Variants in ATM observed in about 807,000 individuals in gnomAD.
ATM encodes ATM serine/threonine kinase, also known as serine-protein kinase ATM.
In ATM, 308 loss-of-function variants were observed where a neutral mutation model predicts 387.0. The observed-to-expected ratio is 0.80, with a 90% confidence interval of 0.73 to 0.87. The LOEUF is 0.87. ATM is among the 40% of genes least tolerant of loss of function. The probability of loss-of-function intolerance (pLI) is 0.00; values close to 1 mark genes in which losing one functional copy is unlikely to be tolerated. For missense variants in ATM, 3,312 were observed against 3,560.9 expected, an observed-to-expected ratio of 0.93 and a Z score of 1.78; for synonymous variants, 1,156 against 1,187.3, an observed-to-expected ratio of 0.97 and a Z score of 0.54.
chr11:108,269,746 T>C (rs2081470106), intron 18 of ATM, among the ~76,000 whole-genome samples: 1 of 152,198 alleles, frequency 6.6e-6, no homozygotes, highest in Non-Finnish European at 1.5e-5. Flanking sequence ...GAACCTCTGA[T>C]CACAGTAAAT....
In ATM at chr11:108,327,626, T is replaced by C. The variant is rs1026199027; in HGVS notation, c.6976-19T>C. ...CATGGTAATGCATTATATTTTAAGA[T>C]TTTGCCTTTCTTATACAGAACAATC... On this transcript the variant is annotated intron_variant, in intron 47 of 62. Transcript: ENST00000675843. 4.4e-6 allele frequency: 7 copies of C among 1,589,120 alleles called. No individual in the cohort carries two copies. Among genetic ancestry groups the C allele is most frequent in the East Asian group, 2.2e-5 (1 of 44,550 alleles).
chr11:108,348,067 G>A (rs1165608980), intron 59 of ATM, among the ~76,000 whole-genome samples: 2 of 152,126 alleles, frequency 1.3e-5, no homozygotes. Context: ...GGGGCCCCCA[G>A]ATAACTGAAG....
intron 45 of ATM, among the ~76,000 whole-genome samples, chr11:108,323,040 CTAT>C (rs964265996): frequency 1.3e-5 from 2 of 151,874 alleles, no homozygotes; most frequent in African/African-American, 4.8e-5. Context: ...TTTTGAATTA[CTAT>C]TATTATTATA....
rs1555119866 is a variant in ATM, at chr11:108,326,132, A to G, written c.6882A>G (p.Glu2294=). 6.2e-7 allele frequency: 1 copy of G among 1,614,164 alleles called. No homozygotes were observed. The highest frequency in any genetic ancestry group is 8.5e-7 in the Non-Finnish European group (1 of 1,180,008). The change falls in exon 47 of 63, where the codon GAA becomes GAG. Residue 2294 remains glutamate, a synonymous_variant. Coordinates refer to ENST00000675843, the MANE Select transcript of ATM (RefSeq NM_000051.4). ...GTGGAGTCTCTGAGTGGCAGCTGGA[A>G]GAAGCACAAGTATTCTGGGCAAAAA... ...VSCGVSEWQL[E]EAQVFWAKKE...
chr11:108,288,846 A>G, intron 27 of ATM, 131 bp from the exon 28 acceptor site: 1 of 1,003,122 alleles, frequency 1.0e-6, no homozygotes, highest in Non-Finnish European at 1.5e-6. Flanking sequence ...TTGAAAGTAT[A>G]GTTTTTCAGT....
chr11:108,362,894 A>G (rs1445561125), intron 61 of ATM, among the ~76,000 whole-genome samples: 1 of 151,936 alleles, frequency 6.6e-6, no homozygotes, highest in African/African-American at 2.4e-5. Context: ...GCATATGTAT[A>G]CATATGTAAC....
chr11:108,329,364 A>G (rs2086020214), intron 49 of ATM, 126 bp downstream of exon 49: 2 of 854,588 alleles, frequency 2.3e-6, no homozygotes, highest in African/African-American at 3.5e-5. Context: ...CGGCTTAACT[A>G]TATATAGATT....
rs777468149 is a variant in ATM at position 108,310,137 on chromosome 11, CATT to C, written c.5763-20_5763-18del. 4 of 1,603,620 alleles carry C rather than the reference CATT, an allele frequency of 2.5e-6. No individual in the cohort carries two copies. Among genetic ancestry groups the C allele is most frequent in the Admixed American group, 1.7e-5 (1 of 59,916 alleles). ...TATTGAAGTTTAAAAAAGTGAATGA[CATT>C]ATATCTCATTTTTCTTTAGACCTTC... On this transcript the variant is annotated intron_variant, in intron 38 of 62. Transcript: ENST00000675843.
chr11:108,347,380 C>A lies in ATM; in HGVS notation c.8671+15C>A, dbSNP rs1438943849. 1.3e-6 allele frequency: 2 copies of A among 1,536,234 alleles called. No homozygotes were observed. Among genetic ancestry groups the A allele is most frequent in the Non-Finnish European group, 1.8e-6 (2 of 1,110,320 alleles). ...TATAGATCTAGGTAAGTAATAAAATCTATGTATCTATTCTTTTTAGTAAAT... is the reference window on the plus strand; with the variant it reads ...TATAGATCTAGGTAAGTAATAAAATATATGTATCTATTCTTTTTAGTAAAT... On this transcript the variant is annotated intron_variant, in intron 59 of 62. Transcript: ENST00000675843.
At chr11:108,348,175 G>A (rs2137112579) in intron 59 of ATM, among the ~76,000 whole-genome samples, 1 of 151,958 alleles carries the variant, frequency 6.6e-6, no homozygotes, top group Middle Eastern at 3.5e-3. Context: ...TTTCTAGGTG[G>A]AATAGACAGT....
intron 10 of ATM, 40 bp from the exon 11 acceptor site, chr11:108,251,797 A>G (rs1232343600): frequency 6.2e-7 from 1 of 1,605,366 alleles, no homozygotes; most frequent in Admixed American, 1.7e-5. Flanking sequence ...TTGCCCCTCC[A>G]ATAGCTTGCT....
chr11:108,304,999 T>C (rs1462059472), intron 37 of ATM, 147 bp downstream of exon 37: 2 of 931,894 alleles, frequency 2.1e-6, no homozygotes. Flanking sequence ...GAGATAAAAG[T>C]TGCCAACAGT....
chr11:108,226,298 C>G, intron 1 of ATM: 1 of 152,170 alleles, frequency 6.6e-6, no homozygotes. Flanking sequence ...ACCTCCCTTT[C>G]TTTCCAACCC....
chr11:108,328,349 C>T (rs1049192159), intron 48 of ATM, among the ~76,000 whole-genome samples: 2 of 152,138 alleles, frequency 1.3e-5, no homozygotes, highest in South Asian at 4.1e-4. Flanking sequence ...TGGGTTCAAG[C>T]GATTCTCCTG....
rs758483894 is a variant in ATM at position 108,229,293 on chromosome 11, G to A, written c.301G>A (p.Val101Ile). The A allele has an allele frequency of 1.3e-5, 21 of 1,613,012 alleles. No individual in the cohort carries two copies. The highest frequency in any genetic ancestry group is 2.7e-5 in the African/African-American group (2 of 74,764). Reference protein sequence around the residue: ...QKKMQEISSLVKYFIKCANRR... With the variant: ...QKKMQEISSLIKYFIKCANRR... Reference sequence around the variant, plus strand: ...AAAGATGCAGGAAATCAGTAGTTTGGTCAAATACTTCATCAAATGTGCAAA... The same window carrying A: ...AAAGATGCAGGAAATCAGTAGTTTGATCAAATACTTCATCAAATGTGCAAA... Residue 101 changes from valine to isoleucine, a missense_variant, in exon 4 of 63, where the codon GTC becomes ATC. By Grantham distance (29) the Val-to-Ile change is conservative. This residue lies in a region of ATM where 1,791 missense variants were observed against 1,804.5 expected (regional missense o/e 0.99). Coordinates refer to ENST00000675843, the MANE Select transcript of ATM (RefSeq NM_000051.4).
intron 39 of ATM, among the ~76,000 whole-genome samples, chr11:108,310,516 C>T (rs1228379477): frequency 1.3e-5 from 2 of 152,006 alleles, no homozygotes; most frequent in East Asian, 3.8e-4. Context: ...ATGCTTATTA[C>T]TTAGGTATTA....
chr11:108,285,899 A>G (rs2082466697), intron 26 of ATM, among the ~76,000 whole-genome samples: 1 of 152,206 alleles, frequency 6.6e-6, no homozygotes, highest in African/African-American at 2.4e-5. Context: ...ATTCAAACCA[A>G]AAGACAGCAA....
intron 5 of ATM, 21 bp from the exon 6 acceptor site, chr11:108,243,930 AAT>A: frequency 1.4e-6 from 2 of 1,424,490 alleles, no homozygotes; most frequent in Non-Finnish European, 1.9e-6. Context: ...AATCATGACT[AAT>A]AATTTTTTTT....
chr11:108,321,228 A>G lies in ATM; in HGVS notation c.6453-73A>G, dbSNP rs1190919910. The stretch of plus-strand genomic sequence containing the variant: ...AAGCCTATGATGAGAACTCTTTAAC[A>G]ACAAATTTAAACATTTATTTCCCTG... On this transcript the variant is annotated intron_variant, in intron 44 of 62. Coordinates refer to ENST00000675843, the MANE Select transcript of ATM (RefSeq NM_000051.4). The G allele has an allele frequency of 2.5e-6, 4 of 1,593,906 alleles. No homozygotes were observed. The East Asian group carries it at 6.7e-5, about 27-fold the overall frequency.
Sources: allele counts gnomAD v4.1 joint callset (sites outside exome capture counted in the v4.1 genomes callset), GRCh38; gene constraint gnomAD v4.1.1; regional missense constraint gnomAD v4.1.1; transcripts MANE v1.5; gene names NCBI Gene and HGNC (gene_info 2026-07-23, HGNC 2026-07-21).